WDR59: variants seen among roughly 807,000 people sequenced by gnomAD.
The protein encoded by WDR59 is GATOR2 complex protein WDR59.
In WDR59, 100 loss-of-function variants were observed where a neutral mutation model predicts 131.2. The ratio of observed to expected loss-of-function variants is 0.76; its 90% CI spans 0.65 to 0.90. The LOEUF (loss-of-function observed/expected upper bound fraction) is 0.90. Among genes scored for constraint, WDR59 ranks in the 40% least tolerant of loss-of-function variants. The pLI, the probability that WDR59 is intolerant of heterozygous loss-of-function variation, is 0.00. For missense variants in WDR59, 1,203 were observed against 1,262.2 expected (o/e 0.95, Z 0.71); for synonymous variants, 601 against 466.2 (o/e 1.29, Z -3.72).
chr16:74,945,522 C>A (rs2032562299), intron 6 of WDR59, among the ~76,000 whole-genome samples: 1 of 151,838 alleles, frequency 6.6e-6, no homozygotes, highest in Non-Finnish European at 1.5e-5. Context: ...GTAACAAAGT[C>A]AGGAGAATGT....
chr16:74,942,782 G>C lies in WDR59; in HGVS notation c.490C>G (p.Leu164Val), dbSNP rs201155431. The C allele has an allele frequency of 6.8e-6, 11 of 1,611,768 alleles. No homozygotes were observed. Among genetic ancestry groups the C allele is most frequent in the African/African-American group, 4.0e-5 (3 of 74,846 alleles). Reference sequence around the variant, plus strand: ...ACATCGCCGTCATGGCTGGTGGCAAGGCAGTTAGCATTTTTTTTATTCCAT... The same window carrying C: ...ACATCGCCGTCATGGCTGGTGGCAACGCAGTTAGCATTTTTTTTATTCCAT... The part of the protein sequence containing the change: ...VKWNKKNANC[L>V]ATSHDGDVRI... Residue 164 changes from leucine (L) to valine (V), a missense_variant, in exon 7 of 26, where the codon CTT (leucine) becomes GTT (valine). Leu to Val is a conservative substitution (Grantham distance 32). Transcript: ENST00000262144.
intron 25 of WDR59, among the ~76,000 whole-genome samples, chr16:74,876,144 G>C (rs1175991693): frequency 1.3e-5 from 2 of 152,090 alleles, no homozygotes; most frequent in Non-Finnish European, 2.9e-5. Context: ...AATGACAACT[G>C]GTGGTCAGAA....
intron 1 of WDR59, among the ~76,000 whole-genome samples, chr16:74,981,250 C>T (rs1369001027): frequency 6.6e-6 from 1 of 151,466 alleles, no homozygotes. Flanking sequence ...GTGGTGGGCG[C>T]CTGTAGTCCC....
Position 74,915,966 on chromosome 16 carries a change from G to A in WDR59, c.1128C>T (p.Leu376=). The change falls in exon 13 of 26, where the codon CTC becomes CTT. Residue 376 remains leucine, a synonymous_variant. Coordinates refer to ENST00000262144, the MANE Select transcript of WDR59 (RefSeq NM_030581.4). ...GTTGATCTGATTTCCTCTCTTCCAG[G>A]AGATTTCTAGGGGGATCTTCTTTTA... is the stretch of plus-strand genomic sequence containing the variant. ...EALKEDPPRN[L]LEERKSDQLG... is the part of the protein sequence containing the mutation. The A allele has an allele frequency of 6.2e-7, 1 of 1,614,176 alleles. No homozygotes were observed. Among genetic ancestry groups the A allele is most frequent in the South Asian group, 1.1e-5 (1 of 91,082 alleles).
chr16:74,886,051 G>A, intron 24 of WDR59: 2 of 663,986 alleles, frequency 3.0e-6, no homozygotes, highest in African/African-American at 1.8e-5. Context: ...GGTGGCGTGT[G>A]CCTGTAATCC....
At chr16:74,888,347 C>A (rs1272794094) in intron 21 of WDR59, 28 bp from the exon 22 acceptor site, 10 of 1,602,036 alleles carry the variant, frequency 6.2e-6, no homozygotes, top group Non-Finnish European at 7.7e-6. Flanking sequence ...GGAAAGAAAA[C>A]AAGTCAGGAG....
chr16:74,927,313 G>T (rs1292945248), intron 8 of WDR59, among the ~76,000 whole-genome samples: 1 of 152,072 alleles, frequency 6.6e-6, no homozygotes, highest in Non-Finnish European at 1.5e-5. Flanking sequence ...AAGAAGCCAG[G>T]CACGGTGGCT....
chr16:74,921,795 C>A, intron 10 of WDR59, 152 bp downstream of exon 10: 2 of 872,014 alleles, frequency 2.3e-6, no homozygotes, highest in Non-Finnish European at 3.4e-6. Context: ...CCTTTACTCA[C>A]CTATGACGAA....
chr16:74,886,435 A>G (rs751339240), intron 23 of WDR59, 39 bp from the exon 24 acceptor site: 53 of 1,605,462 alleles, frequency 3.3e-5, no homozygotes, highest in Non-Finnish European at 1.7e-6. Flanking sequence ...TGGCAATCAG[A>G]GAAGGCATGG....
chr16:74,954,704 A>G (rs2033194166), intron 3 of WDR59, among the ~76,000 whole-genome samples: 1 of 152,254 alleles, frequency 6.6e-6, no homozygotes, highest in Non-Finnish European at 1.5e-5. Context: ...TACCAGCTCT[A>G]TTCAATAGCC....
intron 19 of WDR59, among the ~76,000 whole-genome samples, chr16:74,892,907 A>G (rs10514386): frequency 0.22 from 34,180 of 152,216 alleles, 4,114 homozygotes; most frequent in Middle Eastern, 0.26. Context: ...TACATGCGAC[A>G]CTGACTATGG....
In WDR59 at chr16:74,909,342, C is replaced by A. The variant is rs562111651; in HGVS notation, c.1642+159G>T. 3.3e-5 allele frequency among the ~76,000 whole-genome samples: 5 copies of A among 152,252 alleles called. No individual in the cohort carries two copies. In the South Asian group the frequency reaches 1.0e-3, roughly 32 times the overall value. ...CCCTCTTAGGATAAGTCCACAGACA[C>A]CGACTGGGCCTCAGACCCTACCACG... On this transcript the variant is annotated intron_variant, in intron 16 of 25. Coordinates refer to ENST00000262144, the MANE Select transcript of WDR59 (RefSeq NM_030581.4).
At chr16:74,964,141 G>A (rs2033671583) in intron 2 of WDR59, among the ~76,000 whole-genome samples, 1 of 152,156 alleles carries the variant, frequency 6.6e-6, no homozygotes, top group Non-Finnish European at 1.5e-5. Flanking sequence ...AGGACTTTGG[G>A]AGAATAAGCC....
At chr16:74,956,436 A>C (rs2033293235) in intron 3 of WDR59, 39 bp downstream of exon 3, 1 of 1,603,850 alleles carries the variant, frequency 6.2e-7, no homozygotes, top group African/African-American at 1.3e-5. Context: ...CAGATGACAC[A>C]TTTAACAGCA....
intron 18 of WDR59, 63 bp downstream of exon 18, chr16:74,903,884 G>A (rs1965675694): frequency 6.5e-7 from 1 of 1,543,440 alleles, no homozygotes. Context: ...CGCCAGGCAG[G>A]AGATGAGGAA....
chr16:74,896,948 T>C (rs375683245), intron 18 of WDR59, among the ~76,000 whole-genome samples: 1 of 152,222 alleles, frequency 6.6e-6, no homozygotes, highest in Non-Finnish European at 1.5e-5. Flanking sequence ...GCGCTGAGAT[T>C]TGAACACAGG....
intron 2 of WDR59, among the ~76,000 whole-genome samples, chr16:74,959,863 GAA>G (rs2033477970): frequency 6.8e-6 from 1 of 147,960 alleles, no homozygotes; most frequent in Admixed American, 6.7e-5. Context: ...AAGAAGAAAA[GAA>G]GAAATTCAAA....
intron 1 of WDR59, among the ~76,000 whole-genome samples, chr16:74,966,162 T>C (rs2033767343): frequency 6.6e-6 from 1 of 152,048 alleles, no homozygotes; most frequent in African/African-American, 2.4e-5. Context: ...CAAGACTACA[T>C]GCAACCAAGC....
intron 2 of WDR59, chr16:74,959,488 G>T: frequency 2.2e-6 from 1 of 444,464 alleles, no homozygotes; most frequent in Non-Finnish European, 4.5e-6. Context: ...CTTCATGGTT[G>T]GAAGCAGCAG....
Sources: gnomAD v4.1 joint callset for allele counts (sites outside exome capture counted in the v4.1 genomes callset) on GRCh38, gnomAD v4.1.1 for gene constraint, MANE v1.5 for transcripts, NCBI Gene and HGNC (gene_info 2026-07-23, HGNC 2026-07-21) for gene names.